RNGTT: variants seen among roughly 807,000 people sequenced by gnomAD.
The protein encoded by RNGTT is mRNA-capping enzyme.
In RNGTT, 33 loss-of-function variants were observed where a neutral mutation model predicts 79.3. The observed-to-expected ratio is 0.42, with a 90% CI of 0.32 to 0.56. RNGTT has a LOEUF of 0.56. Ranked by LOEUF, RNGTT falls within the 20% of genes least tolerant of loss-of-function variation. RNGTT has a pLI of 0.17. For missense variants in RNGTT, 497 were observed against 739.1 expected, an observed-to-expected ratio of 0.67 and a Z score of 3.80; for synonymous variants, 222 against 235.9, an observed-to-expected ratio of 0.94 and a Z score of 0.54.
chr6:88,910,558 G>A (rs1783798032), intron 4 of RNGTT, among the ~76,000 whole-genome samples: 1 of 152,160 alleles, frequency 6.6e-6, no homozygotes, highest in South Asian at 2.1e-4. Flanking sequence ...TAAGCACCAT[G>A]AAAGACATAT....
intron 11 of RNGTT, among the ~76,000 whole-genome samples, chr6:88,836,752 A>G (rs1011861425): frequency 6.6e-6 from 1 of 152,172 alleles, no homozygotes; most frequent in African/African-American, 2.4e-5. Flanking sequence ...AAATAAAATA[A>G]AAACAGAACT....
intron 13 of RNGTT, among the ~76,000 whole-genome samples, chr6:88,719,918 C>A (rs1776651580): frequency 6.6e-6 from 1 of 152,162 alleles, no homozygotes. Flanking sequence ...TAATGATTCA[C>A]CTGTCAGTAC....
chr6:88,874,015 A>G, intron 8 of RNGTT, among the ~76,000 whole-genome samples: 1 of 152,126 alleles, frequency 6.6e-6, no homozygotes, highest in East Asian at 1.9e-4. Context: ...TCATGAATCA[A>G]CCAGTTCTGT....
At chr6:88,666,809 A>G (rs535936130) in intron 14 of RNGTT, among the ~76,000 whole-genome samples, 2 of 152,282 alleles carry the variant, frequency 1.3e-5, no homozygotes, top group African/African-American at 2.4e-5. Context: ...GCCTCAGGGA[A>G]CTTCAGCCCA....
intron 14 of RNGTT, among the ~76,000 whole-genome samples, chr6:88,618,722 T>C (rs780546427): frequency 4.6e-5 from 7 of 152,224 alleles, no homozygotes; most frequent in African/African-American, 7.2e-5. Context: ...CACACTTTTA[T>C]ACTATTTGAA....
chr6:88,651,043 A>C (rs1364447163), intron 14 of RNGTT, among the ~76,000 whole-genome samples: 2 of 152,106 alleles, frequency 1.3e-5, no homozygotes, highest in Non-Finnish European at 2.9e-5. Flanking sequence ...ACTCAACATG[A>C]CTAAATGAGC....
chr6:88,756,072 T>A, intron 13 of RNGTT, among the ~76,000 whole-genome samples: 1 of 150,548 alleles, frequency 6.6e-6, no homozygotes, highest in South Asian at 2.1e-4. Context: ...AAAGGAAAGG[T>A]AACCAATAAT....
intron 1 of RNGTT, among the ~76,000 whole-genome samples, chr6:88,959,646 C>T (rs527637481): frequency 1.8e-4 from 27 of 152,142 alleles, no homozygotes; most frequent in Non-Finnish European, 3.4e-4. Context: ...ACAACAAGTT[C>T]CTAATTAGTC....
At chr6:88,835,299 G>A (rs1372801449) in intron 11 of RNGTT, among the ~76,000 whole-genome samples, 1 of 151,982 alleles carries the variant, frequency 6.6e-6, no homozygotes, top group African/African-American at 2.4e-5. Flanking sequence ...AATCACTCAA[G>A]AGTGATTCTT....
intron 14 of RNGTT, among the ~76,000 whole-genome samples, chr6:88,618,409 A>G (rs942817765): frequency 4.6e-5 from 7 of 152,216 alleles, no homozygotes; most frequent in Non-Finnish European, 8.8e-5. Flanking sequence ...GACCGGTATA[A>G]GGGAGAGGAG....
intron 14 of RNGTT, among the ~76,000 whole-genome samples, chr6:88,659,166 A>G (rs1774091111): frequency 6.6e-6 from 1 of 152,192 alleles, no homozygotes; most frequent in African/African-American, 2.4e-5. Flanking sequence ...TGAAGTCCAG[A>G]TCTATCCACT....
chr6:88,622,647 T>C (rs1350297107), intron 14 of RNGTT, among the ~76,000 whole-genome samples: 2 of 152,158 alleles, frequency 1.3e-5, no homozygotes, highest in African/African-American at 2.4e-5. Context: ...TCTTTTAAAG[T>C]TGACAAGTCC....
At chr6:88,919,316 C>T (rs6931077) in intron 4 of RNGTT, among the ~76,000 whole-genome samples, 51,460 of 151,972 alleles carry the variant, frequency 0.34, 10,491 homozygotes, top group African/African-American at 0.58. Flanking sequence ...CAAATTTTTC[C>T]AGGCAAGCTA....
At chr6:88,914,906 A>G (rs376218910) in intron 4 of RNGTT, among the ~76,000 whole-genome samples, 12 of 152,368 alleles carry the variant, frequency 7.9e-5, no homozygotes, top group African/African-American at 2.9e-4. Context: ...AGAATCTACA[A>G]GGAACTTAAT....
intron 13 of RNGTT, among the ~76,000 whole-genome samples, chr6:88,684,982 A>G (rs1357352995): frequency 6.6e-6 from 1 of 152,214 alleles, no homozygotes. Context: ...TGACCTATGA[A>G]GCTACAGAAA....
chr6:88,913,028 AC>A (rs1783877142), intron 4 of RNGTT, among the ~76,000 whole-genome samples: 1 of 151,924 alleles, frequency 6.6e-6, no homozygotes, highest in Non-Finnish European at 1.5e-5. Flanking sequence ...ACATGGCAAA[AC>A]CCCATCTCTA....
chr6:88,751,258 C>A lies in RNGTT; in HGVS notation c.1439+18516G>T, dbSNP rs190375369. ...TAATTTATTCTACACTCCCTTGAGACCATGTGATATGGTCTATGCCTTCTA... is the reference window on the plus strand; with the variant it reads ...TAATTTATTCTACACTCCCTTGAGAACATGTGATATGGTCTATGCCTTCTA... On this transcript the variant is annotated intron_variant, in intron 13 of 15. Transcript: ENST00000369485. Among the ~76,000 whole-genome samples, 3 of 152,194 alleles carry A rather than the reference C, an allele frequency of 2.0e-5. No homozygotes were observed. The East Asian group carries it at 5.8e-4, about 29-fold the overall frequency.
At chr6:88,806,356 C>T (rs1426011475) in intron 11 of RNGTT, among the ~76,000 whole-genome samples, 3 of 146,066 alleles carry the variant, frequency 2.1e-5, no homozygotes, top group African/African-American at 7.6e-5. Context: ...CTCACTCTGT[C>T]GCCCAGGCTG....
chr6:88,921,983 T>C (rs1012810417), intron 4 of RNGTT, among the ~76,000 whole-genome samples: 4 of 152,106 alleles, frequency 2.6e-5, no homozygotes, highest in African/African-American at 9.7e-5. Flanking sequence ...CATCAGAGGA[T>C]TTTGGTATCT....
Sources: allele counts gnomAD v4.1 joint callset (sites outside exome capture counted in the v4.1 genomes callset), GRCh38; gene constraint gnomAD v4.1.1; transcripts MANE v1.5; gene names NCBI Gene and HGNC (gene_info 2026-07-23, HGNC 2026-07-21).